The following ASAH1 variants were observed in gnomAD, a reference collection of about 807,000 sequenced individuals.
ASAH1 encodes the protein N-acylsphingosine amidohydrolase 1.
Under a neutral mutation model 59.5 loss-of-function variants are expected in ASAH1, and 70 were observed. That is an observed-to-expected ratio of 1.18 (90% CI 0.97 to 1.43). The LOEUF (loss-of-function observed/expected upper bound fraction) is 1.43, where lower values mean the gene tolerates loss of function less well. ASAH1 is among the 40% of genes most tolerant of loss of function. The pLI is 0.00. For synonymous variants in ASAH1, 213 were observed against 166.5 expected, an observed-to-expected ratio of 1.28 and a Z score of -2.15; for missense variants, 660 against 482.5, an observed-to-expected ratio of 1.37 and a Z score of -3.45.
intron 3 of ASAH1, among the ~76,000 whole-genome samples, chr8:18,070,338 C>T (rs1045454827): frequency 2.1e-4 from 32 of 152,142 alleles, no homozygotes; most frequent in African/African-American, 6.0e-4. Flanking sequence ...TTAGTAGAGA[C>T]GGGGTTTCAC....
chr8:18,060,742 T>C (rs574582579), intron 10 of ASAH1: 9 of 152,744 alleles, frequency 5.9e-5, no homozygotes, highest in African/African-American at 1.9e-4. Flanking sequence ...TAGTACATTT[T>C]GTATTTATTT....
chr8:18,073,105 G>C (rs1183500661), intron 2 of ASAH1: 5 of 747,342 alleles, frequency 6.7e-6, no homozygotes, highest in Non-Finnish European at 2.2e-6. Flanking sequence ...TAGAATTTGA[G>C]AGAACTGGTT....
At chr8:18,081,412 T>C (rs1038458328) in intron 1 of ASAH1, among the ~76,000 whole-genome samples, 1 of 152,206 alleles carries the variant, frequency 6.6e-6, no homozygotes, top group African/African-American at 2.4e-5. Flanking sequence ...GAAAATGTTA[T>C]CTTGTCTAAA....
chr8:18,059,788 G>A, intron 10 of ASAH1, 85 bp from the exon 11 acceptor site: 2 of 1,362,762 alleles, frequency 1.5e-6, no homozygotes, highest in Non-Finnish European at 2.0e-6. Context: ...TTTACTTTAA[G>A]TTCTGGGACA....
chr8:18,065,295 T>C (rs568451371), intron 5 of ASAH1: 11 of 152,154 alleles, frequency 7.2e-5, no homozygotes, highest in Middle Eastern at 3.4e-3. Flanking sequence ...GTTGCTAGAG[T>C]TCTTTACATA....
Position 18,059,089 on chromosome 8 carries a change from CT to C in ASAH1, c.1042-199del, listed in dbSNP as rs33985304. On this transcript the variant is annotated intron_variant, in intron 12 of 13. Transcript: ENST00000637790. ...GATTACTTTCCTCTCTCTCCTTCCC[CT>C]TTTTTAAATTCTTGCCTGTTTGTTA... 649,160 of 686,762 alleles carry C rather than the reference CT, an allele frequency of 0.95. 311,218 individuals carry two copies. The highest frequency in any genetic ancestry group is 0.99 in the Non-Finnish European group (407,778 of 411,298). 42.5% of individuals were successfully genotyped at this position (686,762 alleles called of 1,614,324 possible).
At chr8:18,061,055 T>C (rs1799674075) in intron 10 of ASAH1, 1 of 296,746 alleles carries the variant, frequency 3.4e-6, no homozygotes, top group Non-Finnish European at 6.5e-6. Context: ...GCCTGGTCTG[T>C]ACTACCATTT....
rs142602494 is a variant in ASAH1 at position 18,070,762 on chromosome 8, G to A, written c.216+538C>T. Among the ~76,000 whole-genome samples the A allele has an allele frequency of 1.6e-4, 24 of 152,298 alleles. No individual in the cohort carries two copies. The East Asian group carries it at 4.2e-3, about 27-fold the overall frequency. On this transcript the variant is annotated intron_variant, in intron 3 of 13. Transcript: ENST00000637790. Reference sequence around the variant, plus strand: ...TTCCTCTGCTGTCACTTAACGTATAGGGCAGAAAGGTATCAAAAGCACAAT... The same window carrying A: ...TTCCTCTGCTGTCACTTAACGTATAAGGCAGAAAGGTATCAAAAGCACAAT...
Position 18,071,325 on chromosome 8 carries a change from T to C in ASAH1, c.191A>G (p.Glu64Gly), listed in dbSNP as rs768331162. ...LDLPPYKRWH[E>G]LMLDKAPVLK... The stretch of plus-strand genomic sequence containing the variant: ...CACTGGTGCCTTGTCAAGCATCAAT[T>C]CATGCCATCTTTTGTAGGGTGGTAA... The change falls in exon 3 of 14, where the codon GAA becomes GGA. Residue 64 changes from glutamate (E) to glycine (G), a missense_variant. Transcript: ENST00000637790. 5 of 1,601,936 alleles carry C rather than the reference T, an allele frequency of 3.1e-6. No homozygotes were observed.
At chr8:18,070,718 TAC>T (rs1446597181) in intron 3 of ASAH1, among the ~76,000 whole-genome samples, 7 of 152,224 alleles carry the variant, frequency 4.6e-5, no homozygotes, top group Non-Finnish European at 4.4e-5. Flanking sequence ...GAACAAAGGC[TAC>T]AGAGGAATGA....
At chr8:18,075,470 G>T in intron 2 of ASAH1, 71 bp downstream of exon 2, 1 of 1,432,562 alleles carries the variant, frequency 7.0e-7, no homozygotes, top group South Asian at 1.1e-5. Flanking sequence ...GTTCGTTTAT[G>T]AGCAATTATT....
intron 1 of ASAH1, 63 bp downstream of exon 1, chr8:18,083,918 T>C: frequency 6.4e-7 from 1 of 1,554,686 alleles, no homozygotes; most frequent in Non-Finnish European, 8.6e-7. Context: ...CCGCCACACC[T>C]GCGCCTCCAT....
chr8:18,083,695 A>T (rs781144853), intron 1 of ASAH1, among the ~76,000 whole-genome samples: 40 of 152,242 alleles, frequency 2.6e-4, no homozygotes, highest in Admixed American at 4.6e-4. Context: ...TGGTTATTCA[A>T]GTACACTCAC....
At chr8:18,084,767 C>G (rs147896487), upstream of ASAH1, 1,945 of 1,613,634 alleles carry the variant, frequency 1.2e-3, 7 homozygotes, top group Non-Finnish European at 1.3e-3. Context: ...GTGGGACCCG[C>G]GAGCTTTCTC....
At chr8:18,084,627 TGAGA>T, upstream of ASAH1, 1 of 1,609,382 alleles carries the variant, frequency 6.2e-7, no homozygotes, top group Non-Finnish European at 8.5e-7. Context: ...GGCCGAGGAG[TGAGA>T]GAGAATCGAA....
intron 1 of ASAH1, among the ~76,000 whole-genome samples, chr8:18,078,844 G>C (rs1271146133): frequency 1.3e-5 from 2 of 152,068 alleles, no homozygotes; most frequent in Non-Finnish European, 2.9e-5. Flanking sequence ...ATCCAACTTA[G>C]AATCAATTCT....
chr8:18,066,895 A>C (rs1359765896), intron 5 of ASAH1: 1 of 336,822 alleles, frequency 3.0e-6, no homozygotes, highest in Non-Finnish European at 5.4e-6. Flanking sequence ...CATATTGTTC[A>C]GTTCTATTTA....
chr8:18,057,828 A>C (rs1470299246), intron 13 of ASAH1: 1 of 183,400 alleles, frequency 5.5e-6, no homozygotes, highest in Non-Finnish European at 1.1e-5. Context: ...AGTCTCACCA[A>C]ATAACTAAAG....
chr8:18,083,718 A>C (rs910199395), intron 1 of ASAH1, among the ~76,000 whole-genome samples: 1 of 152,230 alleles, frequency 6.6e-6, no homozygotes, highest in Admixed American at 6.5e-5. Flanking sequence ...AAATCTAAGA[A>C]TGTGCGAATC....
Sources: gnomAD v4.1 joint callset for allele counts (sites outside exome capture counted in the v4.1 genomes callset) on GRCh38, gnomAD v4.1.1 for gene constraint, MANE v1.5 for transcripts, NCBI Gene and HGNC (gene_info 2026-07-23, HGNC 2026-07-21) for gene names.